ASIC2: variants seen among roughly 807,000 people sequenced by gnomAD.
The protein encoded by ASIC2 is acid sensing ion channel subunit 2, also known as acid-sensing ion channel 2.
Under a neutral mutation model 57.3 loss-of-function variants are expected in ASIC2, and 25 were observed. The observed-to-expected ratio is 0.44, with a 90% CI of 0.32 to 0.61. The LOEUF is 0.61. Ranked by LOEUF, ASIC2 falls within the 20% of genes least tolerant of loss-of-function variation. The pLI, the probability that ASIC2 is intolerant of heterozygous loss-of-function variation, is 0.06. For missense variants in ASIC2, 641 were observed against 738.1 expected, an observed-to-expected ratio of 0.87 and a Z score of 1.52; for synonymous variants, 319 against 307.5, an observed-to-expected ratio of 1.04 and a Z score of -0.39.
intron 1 of ASIC2, among the ~76,000 whole-genome samples, chr17:33,146,775 CAGA>C (rs2142024292): frequency 6.6e-6 from 1 of 152,300 alleles, no homozygotes; most frequent in South Asian, 2.1e-4. Context: ...AGGCCTAGGC[CAGA>C]AGGAGAGAAG....
chr17:33,406,469 A>G (rs1341026313), intron 1 of ASIC2, among the ~76,000 whole-genome samples: 1 of 152,174 alleles, frequency 6.6e-6, no homozygotes, highest in Non-Finnish European at 1.5e-5. Context: ...TGTTCTGTCA[A>G]ACGCAGAACA....
At chr17:33,152,260 G>A (rs966985236) in intron 1 of ASIC2, among the ~76,000 whole-genome samples, 2 of 152,146 alleles carry the variant, frequency 1.3e-5, no homozygotes, top group African/African-American at 4.8e-5. Flanking sequence ...AATGTGGTTG[G>A]TCTATGGGAG....
chr17:33,377,736 A>G (rs1480418714), intron 1 of ASIC2, among the ~76,000 whole-genome samples: 1 of 152,090 alleles, frequency 6.6e-6, no homozygotes, highest in Non-Finnish European at 1.5e-5. Context: ...AAGACTTTTT[A>G]TGTCTTCTCA....
chr17:33,399,182 TGAG>T (rs1910190871), intron 1 of ASIC2, among the ~76,000 whole-genome samples: 2 of 152,318 alleles, frequency 1.3e-5, no homozygotes, highest in African/African-American at 4.8e-5. Context: ...TCCTGGGCCT[TGAG>T]TTCTGTCCTT....
intron 1 of ASIC2, among the ~76,000 whole-genome samples, chr17:33,776,675 G>A (rs1012250988): frequency 3.9e-5 from 6 of 152,144 alleles, no homozygotes; most frequent in African/African-American, 1.2e-4. Context: ...AGGCCGGGGG[G>A]TCCAGTGTGG....
intron 1 of ASIC2, among the ~76,000 whole-genome samples, chr17:33,744,599 GA>G (rs2142099983): frequency 6.6e-6 from 1 of 152,194 alleles, no homozygotes; most frequent in East Asian, 1.9e-4. Context: ...TCAGTATCCA[GA>G]ATTGCTATAA....
chr17:34,072,145 C>CT (rs1909434028), intron 1 of ASIC2: 1 of 152,502 alleles, frequency 6.6e-6, no homozygotes, highest in Admixed American at 6.5e-5. Flanking sequence ...GCGAGAAGTC[C>CT]TTTCCCAGTC....
chr17:33,140,434 CTT>C (rs1471384251), intron 1 of ASIC2, among the ~76,000 whole-genome samples: 1 of 152,216 alleles, frequency 6.6e-6, no homozygotes, highest in Admixed American at 6.5e-5. Flanking sequence ...ATCCATGTGA[CTT>C]TGGGTAAATT....
At chr17:34,120,870 C>G (rs1266130525) in intron 1 of ASIC2, among the ~76,000 whole-genome samples, 1 of 151,034 alleles carries the variant, frequency 6.6e-6, no homozygotes, top group Non-Finnish European at 1.5e-5. Context: ...TCCCAAGTAG[C>G]TGAGATTATA....
intron 8 of ASIC2, 48 bp from the exon 9 acceptor site, chr17:33,016,087 G>T (rs994082887): frequency 3.6e-5 from 57 of 1,593,080 alleles, no homozygotes; most frequent in Non-Finnish European, 4.9e-5. Flanking sequence ...AGAGGGTGCA[G>T]AGGCAGAAGG....
chr17:33,563,013 C>T (rs1916123678), intron 1 of ASIC2, among the ~76,000 whole-genome samples: 1 of 152,162 alleles, frequency 6.6e-6, no homozygotes, highest in African/African-American at 2.4e-5. Context: ...GGCTAGTGGG[C>T]TCTAGGAGGA....
chr17:33,910,028 G>A (rs1042176935), intron 1 of ASIC2, among the ~76,000 whole-genome samples: 5 of 152,086 alleles, frequency 3.3e-5, no homozygotes, highest in South Asian at 2.1e-4. Context: ...CACCACCCTC[G>A]TTGAATTGTT....
At chr17:33,429,674 G>T (rs1200601021) in intron 1 of ASIC2, among the ~76,000 whole-genome samples, 1 of 152,148 alleles carries the variant, frequency 6.6e-6, no homozygotes, top group East Asian at 1.9e-4. Context: ...AGAGGTATGA[G>T]CCACCGCCCC....
chr17:33,416,372 G>A (rs879501803), intron 1 of ASIC2, among the ~76,000 whole-genome samples: 4 of 152,074 alleles, frequency 2.6e-5, no homozygotes, highest in Admixed American at 2.6e-4. Flanking sequence ...TTTTCGATTT[G>A]CACTCCAGGG....
At chr17:34,139,557 A>C (rs1422266334) in intron 1 of ASIC2, among the ~76,000 whole-genome samples, 2 of 145,770 alleles carry the variant, frequency 1.4e-5, no homozygotes, top group African/African-American at 5.2e-5. Context: ...GCATCCATAG[A>C]GTGGAATATC....
intron 1 of ASIC2, among the ~76,000 whole-genome samples, chr17:33,525,684 C>A (rs116071218): frequency 2.6e-3 from 400 of 152,320 alleles, no homozygotes; most frequent in African/African-American, 9.2e-3. Context: ...CCCACAATAG[C>A]AGAAGGTCAA....
chr17:33,590,094 C>T (rs1171747865), intron 1 of ASIC2, among the ~76,000 whole-genome samples: 4 of 152,120 alleles, frequency 2.6e-5, no homozygotes, highest in Non-Finnish European at 4.4e-5. Context: ...TTCCTGGTTT[C>T]CCTAGAAGTG....
chr17:34,080,305 T>C (rs1909830396), intron 1 of ASIC2, among the ~76,000 whole-genome samples: 1 of 152,212 alleles, frequency 6.6e-6, no homozygotes, highest in East Asian at 1.9e-4. Flanking sequence ...CCTGGATTTG[T>C]GCAATGTGGT....
chr17:33,987,892 A>G (rs77281733), intron 1 of ASIC2, among the ~76,000 whole-genome samples: 1,572 of 152,360 alleles, frequency 0.01, 9 homozygotes, highest in Non-Finnish European at 0.017. Context: ...AAAATAACAG[A>G]GGTATATTCA....
Sources: gnomAD v4.1 joint callset for allele counts (sites outside exome capture counted in the v4.1 genomes callset) on GRCh38, gnomAD v4.1.1 for gene constraint, MANE v1.5 for transcripts, NCBI Gene and HGNC (gene_info 2026-07-23, HGNC 2026-07-21) for gene names.